TSPEAR: variants seen among roughly 807,000 people sequenced by gnomAD.
TSPEAR encodes thrombospondin type laminin G domain and EAR repeats, also known as thrombospondin-type laminin G domain and EAR repeat-containing protein.
Under a neutral mutation model 71.6 loss-of-function variants are expected in TSPEAR, and 69 were observed. The observed-to-expected ratio is 0.96, with a 90% CI of 0.79 to 1.18. The LOEUF is 1.18. TSPEAR is among the 50% of genes most tolerant of loss of function. TSPEAR has a pLI of 0.00. For synonymous variants in TSPEAR, 402 were observed against 387.2 expected, an observed-to-expected ratio of 1.04 and a Z score of -0.45; for missense variants, 971 against 894.9, an observed-to-expected ratio of 1.09 and a Z score of -1.09.
intron 9 of TSPEAR, chr21:44,517,712 T>C (rs1555913639): frequency 1.1e-5 from 5 of 469,030 alleles, no homozygotes; most frequent in Non-Finnish European, 2.2e-5. Context: ...GTGGCCAGCG[T>C]CCTTGTCCTG....
In TSPEAR at chr21:44,601,687, C is replaced by T. The variant is rs587684875; in HGVS notation, c.83-33682G>A. 268 of 1,612,532 alleles carry T rather than the reference C, an allele frequency of 1.7e-4. 4 individuals are homozygous for T. The South Asian group carries it at 1.7e-3, about 10-fold the overall frequency. On this transcript the variant is annotated intron_variant, in intron 1 of 11. Coordinates refer to ENST00000323084, the MANE Select transcript of TSPEAR (RefSeq NM_144991.3). The stretch of plus-strand genomic sequence containing the variant: ...TCTCCTTTGCCGCCCCGCATGCTCC[C>T]GCCCGGCCTGCTGTGGCCCCACCTC...
At chr21:44,661,833 G>A (rs377331983) in intron 1 of TSPEAR, among the ~76,000 whole-genome samples, 23 of 152,084 alleles carry the variant, frequency 1.5e-4, no homozygotes, top group African/African-American at 4.8e-4. Context: ...ACTCACTGTC[G>A]CAAGGACAGC....
intron 2 of TSPEAR, among the ~76,000 whole-genome samples, chr21:44,553,394 T>G (rs2053478314): frequency 1.3e-5 from 2 of 152,164 alleles, no homozygotes; most frequent in Admixed American, 6.5e-5. Context: ...ATACCAAATT[T>G]AATACCAAAC....
In TSPEAR at chr21:44,500,394, A is replaced by G. The variant is rs111739137; in HGVS notation, c.1857-458T>C. 1.2e-3 allele frequency among the ~76,000 whole-genome samples: 176 copies of G among 152,318 alleles called. 1 individual carries two copies. The highest frequency in any genetic ancestry group is 4.1e-3 in the African/African-American group (170 of 41,566). On this transcript the variant is annotated intron_variant, in intron 11 of 11. Transcript: ENST00000323084. Reference sequence around the variant, plus strand: ...ACGTCAGGGGCTGCCCCAGGCCCTCATTCTTGCTCTGGGCGGCTGCTGGCC... The same window carrying G: ...ACGTCAGGGGCTGCCCCAGGCCCTCGTTCTTGCTCTGGGCGGCTGCTGGCC...
intron 1 of TSPEAR, among the ~76,000 whole-genome samples, chr21:44,671,165 C>G (rs781844878): frequency 6.6e-6 from 1 of 152,228 alleles, no homozygotes; most frequent in Non-Finnish European, 1.5e-5. Context: ...CTACCACCAG[C>G]GCTCACTTGC....
intron 1 of TSPEAR, among the ~76,000 whole-genome samples, chr21:44,606,224 C>T (rs587664337): frequency 6.3e-5 from 9 of 142,990 alleles, no homozygotes; most frequent in African/African-American, 1.8e-4. Context: ...CCTAAACAGA[C>T]ATTTCTCAAA....
chr21:44,549,845 C>T (rs233234), intron 2 of TSPEAR, among the ~76,000 whole-genome samples: 29,054 of 152,220 alleles, frequency 0.19, 2,923 homozygotes, highest in East Asian at 0.36. Context: ...CTGGAGGCCG[C>T]GTCTCTGTTC....
At chr21:44,591,585 G>A (rs781803499) in intron 1 of TSPEAR, 5 of 1,613,316 alleles carry the variant, frequency 3.1e-6, no homozygotes, top group Admixed American at 1.7e-5. Context: ...CGGAGGAGGA[G>A]GATCTGCAGC....
At chr21:44,505,952 T>C (rs906517772) in intron 10 of TSPEAR, among the ~76,000 whole-genome samples, 7 of 152,134 alleles carry the variant, frequency 4.6e-5, no homozygotes, top group East Asian at 3.9e-4. Flanking sequence ...AGGCAGGAGC[T>C]TGGTTTCCCG....
chr21:44,518,966 C>T, intron 9 of TSPEAR: 1 of 223,820 alleles, frequency 4.5e-6, no homozygotes, highest in Non-Finnish European at 9.2e-6. Flanking sequence ...CTGTGCTCTG[C>T]AGCTGTGCCC....
intron 11 of TSPEAR, among the ~76,000 whole-genome samples, chr21:44,503,125 G>C (rs1487067775): frequency 7.0e-6 from 1 of 143,336 alleles, no homozygotes; most frequent in Non-Finnish European, 1.5e-5. Flanking sequence ...GTGAGTCCTC[G>C]GGGGGAAGCA....
intron 9 of TSPEAR, chr21:44,519,027 G>A (rs1030233627): frequency 1.4e-4 from 24 of 175,444 alleles, no homozygotes; most frequent in Admixed American, 1.2e-4. Context: ...ATTTGCTTTT[G>A]TTGTTTTTTT....
chr21:44,563,327 A>ATAT (rs1555921343), intron 2 of TSPEAR, among the ~76,000 whole-genome samples: 4 of 152,180 alleles, frequency 2.6e-5, no homozygotes, highest in Non-Finnish European at 4.4e-5. Flanking sequence ...TAATATATAT[A>ATAT]ACAACAAGAC....
chr21:44,575,035 G>A (rs1466373687), intron 1 of TSPEAR: 9 of 1,578,362 alleles, frequency 5.7e-6, no homozygotes, highest in Non-Finnish European at 6.9e-6. Context: ...TGATGGACAC[G>A]CCCCCCAGTG....
At chr21:44,665,759 G>A (rs117472406) in intron 1 of TSPEAR, among the ~76,000 whole-genome samples, 18 of 152,292 alleles carry the variant, frequency 1.2e-4, no homozygotes, top group Non-Finnish European at 2.5e-4. Context: ...TAAAAACCAA[G>A]CCTTTGTGGA....
At chr21:44,583,812 G>A (rs587666134) in intron 1 of TSPEAR, among the ~76,000 whole-genome samples, 40 of 152,108 alleles carry the variant, frequency 2.6e-4, no homozygotes, top group African/African-American at 8.4e-4. Context: ...TGATTACCAC[G>A]GTCAAGCTAA....
At position 44,691,564 on chromosome 21, in the gene TSPEAR, G is replaced by A. The variant is rs115323544; in HGVS notation, c.82+19869C>T. 6.9e-3 allele frequency among the ~76,000 whole-genome samples: 1,046 copies of A among 152,250 alleles called. 17 individuals carry two copies. The highest frequency in any genetic ancestry group is 0.024 in the African/African-American group (986 of 41,550). On this transcript the variant is annotated intron_variant, in intron 1 of 11. Transcript: ENST00000323084. ...GAAACATATATGCACCATACAAAGAGTCCCCACATATATGAAGCAAACATT... is the reference window on the plus strand; with the variant it reads ...GAAACATATATGCACCATACAAAGAATCCCCACATATATGAAGCAAACATT...
rs893077715 is a variant in TSPEAR at position 44,623,507 on chromosome 21, T to C, written c.83-55502A>G. On this transcript the variant is annotated intron_variant, in intron 1 of 11. Coordinates refer to ENST00000323084, the MANE Select transcript of TSPEAR (RefSeq NM_144991.3). This position sits in a 1 kb window ranked among gnomAD's most constrained non-coding sequence, Gnocchi z 4.5. ...TATTCATTTAGATTTCCCCATGTTG[T>C]CCTCCTTTTGTTACACTTCATTTCC... Among the ~76,000 whole-genome samples, 1 of 152,228 alleles carries C rather than the reference T, an allele frequency of 6.6e-6. No individual in the cohort carries two copies. The highest frequency in any genetic ancestry group is 1.5e-5 in the Non-Finnish European group (1 of 68,038).
rs1985604678 is a variant in TSPEAR, at chr21:44,663,553, G to A, written c.82+47880C>T. On this transcript the variant is annotated intron_variant, in intron 1 of 11. Coordinates refer to ENST00000323084, the MANE Select transcript of TSPEAR (RefSeq NM_144991.3). ...AGAGGAAATATAACCAATTCTACATGAACTCTTCCAGAAAATAGAAGGAAA... is the reference window on the plus strand; with the variant it reads ...AGAGGAAATATAACCAATTCTACATAAACTCTTCCAGAAAATAGAAGGAAA... Among the ~76,000 whole-genome samples the A allele has an allele frequency of 2.6e-5, 4 of 152,054 alleles. No individual in the cohort carries two copies. The South Asian group carries it at 8.3e-4, about 32-fold the overall frequency.
Sources: gnomAD v4.1 joint callset for allele counts (sites outside exome capture counted in the v4.1 genomes callset) on GRCh38, gnomAD v4.1.1 for gene constraint, Gnocchi (gnomAD v3.1) non-coding constraint, MANE v1.5 for transcripts, NCBI Gene and HGNC (gene_info 2026-07-23, HGNC 2026-07-21) for gene names.